BMPR1B: variants seen among roughly 807,000 people sequenced by gnomAD.
BMPR1B encodes the protein bone morphogenetic protein receptor type 1B.
In BMPR1B, 12 loss-of-function variants were observed where a neutral mutation model predicts 59.1. The ratio of observed to expected loss-of-function variants is 0.20; its 90% confidence interval spans 0.13 to 0.33. BMPR1B has a LOEUF of 0.33. BMPR1B is among the 10% of genes least tolerant of loss of function. The pLI is 1.00. For synonymous variants in BMPR1B, 237 were observed against 207.3 expected (o/e 1.14, Z -1.23); for missense variants, 550 against 610.9 (o/e 0.90, Z 1.05).
chr4:95,045,354 T>A (rs1725965365), intron 3 of BMPR1B, among the ~76,000 whole-genome samples: 1 of 152,176 alleles, frequency 6.6e-6, no homozygotes, highest in African/African-American at 2.4e-5. Context: ...AACCTGTGCT[T>A]ACCTCCAGAA....
chr4:94,819,438 A>C (rs1724126014), intron 1 of BMPR1B, among the ~76,000 whole-genome samples: 1 of 152,214 alleles, frequency 6.6e-6, no homozygotes, highest in Non-Finnish European at 1.5e-5. Flanking sequence ...CCTTTCTGAT[A>C]CCAGGTGCAT....
intron 3 of BMPR1B, among the ~76,000 whole-genome samples, chr4:95,068,685 T>C (rs1481224205): frequency 6.6e-6 from 1 of 152,180 alleles, no homozygotes; most frequent in Non-Finnish European, 1.5e-5. Flanking sequence ...TGGACTTGTT[T>C]CCTTTAGTGA....
Position 95,012,527 on chromosome 4 carries a change from A to G in BMPR1B, c.-18+16393A>G, listed in dbSNP as rs181051013. ...TGATATATTTGAATGATTCATTTCT[A>G]ATCTTAAGCATTTGTACTTAACCTT... is the stretch of plus-strand genomic sequence containing the variant. On this transcript the variant is annotated intron_variant, in intron 3 of 12. Transcript: ENST00000515059. Among the ~76,000 whole-genome samples, 5 of 152,328 alleles carry G rather than the reference A, an allele frequency of 3.3e-5. No homozygotes were observed. The East Asian group carries it at 9.6e-4, about 29-fold the overall frequency.
intron 2 of BMPR1B, among the ~76,000 whole-genome samples, chr4:94,936,337 C>T (rs2149039219): frequency 6.6e-6 from 1 of 152,254 alleles, no homozygotes; most frequent in East Asian, 1.9e-4. Context: ...ACAGGAGCAA[C>T]TAGAGAAGGG....
intron 1 of BMPR1B, among the ~76,000 whole-genome samples, chr4:94,856,707 A>G (rs1412755544): frequency 1.3e-5 from 2 of 152,226 alleles, no homozygotes; most frequent in Non-Finnish European, 2.9e-5. Context: ...GGGCAGGCCA[A>G]ACTGTTTTGT....
intron 3 of BMPR1B, among the ~76,000 whole-genome samples, chr4:95,024,286 T>C (rs1724200290): frequency 6.6e-6 from 1 of 152,212 alleles, no homozygotes; most frequent in East Asian, 1.9e-4. Context: ...GATGAGAAAT[T>C]ATTGATCTTG....
intron 3 of BMPR1B, among the ~76,000 whole-genome samples, chr4:95,063,698 AAAAC>A (rs1332719374): frequency 6.6e-6 from 1 of 152,224 alleles, no homozygotes; most frequent in Non-Finnish European, 1.5e-5. Flanking sequence ...AGTAGTAAAT[AAAAC>A]AAACTACAGA....
intron 2 of BMPR1B, among the ~76,000 whole-genome samples, chr4:94,890,828 T>A (rs1170019213): frequency 6.6e-6 from 1 of 151,932 alleles, no homozygotes; most frequent in African/African-American, 2.4e-5. Flanking sequence ...CATGTAAACC[T>A]AGTTACCTCC....
chr4:94,768,234 T>C (rs1045632411), intron 1 of BMPR1B, among the ~76,000 whole-genome samples: 10 of 152,214 alleles, frequency 6.6e-5, no homozygotes, highest in African/African-American at 2.4e-4. Flanking sequence ...GCTGTTAAAG[T>C]TTATTCTTTG....
chr4:94,765,783 G>A (rs1048341193), intron 1 of BMPR1B, among the ~76,000 whole-genome samples: 2 of 152,138 alleles, frequency 1.3e-5, no homozygotes, highest in African/African-American at 4.8e-5. Context: ...GATTGCATTT[G>A]TTTTCCCAGT....
At chr4:94,787,378 A>G (rs1722800653) in intron 1 of BMPR1B, among the ~76,000 whole-genome samples, 1 of 152,166 alleles carries the variant, frequency 6.6e-6, no homozygotes, top group Non-Finnish European at 1.5e-5. Flanking sequence ...AATTTAAGAA[A>G]TGGCATCTCC....
chr4:95,083,648 C>G (rs1446050552), intron 3 of BMPR1B, among the ~76,000 whole-genome samples: 2 of 152,148 alleles, frequency 1.3e-5, no homozygotes, highest in Non-Finnish European at 2.9e-5. Context: ...GGATAACACA[C>G]TATTTTTTGG....
intron 1 of BMPR1B, among the ~76,000 whole-genome samples, chr4:94,793,161 T>TC (rs1468276648): frequency 4.0e-5 from 6 of 150,080 alleles, no homozygotes; most frequent in Non-Finnish European, 8.9e-5. Flanking sequence ...ATGCTATCCC[T>TC]CCCCCCTTCC....
chr4:95,152,737 A>G lies in BMPR1B; in HGVS notation c.1347A>G (p.Leu449=), dbSNP rs533642294. 49 of 1,610,254 alleles carry G rather than the reference A, an allele frequency of 3.0e-5. No homozygotes were observed. The African/African-American group carries it at 5.3e-4, about 18-fold the overall frequency. ...GGGAGATTGTGTGCATCAAGAAGTT[A>G]CGCCCCTCATTCCCAAACCGGTGGA... ...DMREIVCIKK[L]RPSFPNRWSS... The change falls in exon 12 of 13, where the codon TTA becomes TTG. Residue 449 remains leucine, a synonymous_variant. Coordinates refer to ENST00000515059, the MANE Select transcript of BMPR1B (RefSeq NM_001203.3).
chr4:94,881,945 C>T (rs1444306680), intron 2 of BMPR1B, among the ~76,000 whole-genome samples: 1 of 152,102 alleles, frequency 6.6e-6, no homozygotes, highest in Non-Finnish European at 1.5e-5. Flanking sequence ...AGTGTCTCAA[C>T]CCTGGCTATG....
chr4:95,009,159 A>T (rs1578919865), intron 3 of BMPR1B, among the ~76,000 whole-genome samples: 1 of 152,224 alleles, frequency 6.6e-6, no homozygotes, highest in Non-Finnish European at 1.5e-5. Context: ...GATGTGAAGC[A>T]ACACGAACTC....
chr4:95,073,889 A>T (rs922064228), intron 3 of BMPR1B, among the ~76,000 whole-genome samples: 1 of 152,172 alleles, frequency 6.6e-6, no homozygotes, highest in African/African-American at 2.4e-5. Context: ...CTTTTAAAGA[A>T]AGATAAAAAC....
At chr4:95,028,846 T>G (rs145892433) in intron 3 of BMPR1B, among the ~76,000 whole-genome samples, 243 of 152,056 alleles carry the variant, frequency 1.6e-3, no homozygotes, top group African/African-American at 5.5e-3. Context: ...TAGTTAAAAA[T>G]ATTAATATAA....
Position 94,968,310 on chromosome 4 carries a change from A to G in BMPR1B, c.-112-27730A>G, listed in dbSNP as rs1012208270. ...TCAGTGAGGCTGCACCTGGAGGAAC[A>G]TTGCTCAGCTCTGGGATGTGATAAG... On this transcript the variant is annotated intron_variant, in intron 2 of 12. Coordinates refer to ENST00000515059, the MANE Select transcript of BMPR1B (RefSeq NM_001203.3). 1.3e-5 allele frequency among the ~76,000 whole-genome samples: 2 copies of G among 151,284 alleles called. 1 individual carries two copies. Among genetic ancestry groups the G allele is most frequent in the Admixed American group, 1.3e-4 (2 of 15,182 alleles).
Sources: gnomAD v4.1 joint callset for allele counts (sites outside exome capture counted in the v4.1 genomes callset) on GRCh38, gnomAD v4.1.1 for gene constraint, MANE v1.5 for transcripts, NCBI Gene and HGNC (gene_info 2026-07-23, HGNC 2026-07-21) for gene names.